Variants in LUZP2 observed in about 807,000 individuals in gnomAD.
LUZP2 encodes leucine zipper protein 2.
In LUZP2, 52 loss-of-function variants were observed where a neutral mutation model predicts 51.6. The ratio of observed to expected loss-of-function variants is 1.01; its 90% CI spans 0.81 to 1.27. LUZP2 has a LOEUF of 1.27. LUZP2 is among the 50% of genes most tolerant of loss of function. The pLI is 0.00. For missense variants in LUZP2, 436 were observed against 395.4 expected (o/e 1.10, Z -0.87); for synonymous variants, 154 against 137.3 (o/e 1.12, Z -0.85).
intron 1 of LUZP2, among the ~76,000 whole-genome samples, chr11:24,546,223 AC>A (rs1160242605): frequency 5.3e-5 from 8 of 152,014 alleles, no homozygotes; most frequent in African/African-American, 1.9e-4. Context: ...TATATTGTCT[AC>A]AAATAAGGAT....
chr11:24,711,272 AC>A (rs371201961), intron 1 of LUZP2, among the ~76,000 whole-genome samples: 43,232 of 151,384 alleles, frequency 0.29, 6,599 homozygotes, highest in East Asian at 0.68. Flanking sequence ...ACACGGTGAA[AC>A]CCCCGTCTCT....
intron 1 of LUZP2, among the ~76,000 whole-genome samples, chr11:24,718,967 A>G (rs1414476432): frequency 6.6e-6 from 1 of 152,222 alleles, no homozygotes; most frequent in Non-Finnish European, 1.5e-5. Context: ...AATATTTTCA[A>G]GAAATTCTCT....
chr11:24,707,321 T>G (rs980503754), intron 1 of LUZP2, among the ~76,000 whole-genome samples: 8 of 151,888 alleles, frequency 5.3e-5, no homozygotes, highest in African/African-American at 1.9e-4. Context: ...TGTGTGTGTG[T>G]GTGTGCATGT....
chr11:25,036,842 T>G (rs931155392), intron 9 of LUZP2, among the ~76,000 whole-genome samples: 1 of 151,950 alleles, frequency 6.6e-6, no homozygotes, highest in African/African-American at 2.4e-5. Flanking sequence ...ATTTCATTTT[T>G]AAAAAAAAAT....
intron 1 of LUZP2, among the ~76,000 whole-genome samples, chr11:24,657,199 G>A (rs1003559852): frequency 3.9e-5 from 6 of 152,144 alleles, no homozygotes; most frequent in Middle Eastern, 3.2e-3. Flanking sequence ...GGCATGATTT[G>A]GAATAGATGT....
At chr11:24,894,885 AAC>A (rs1852985860) in intron 5 of LUZP2, among the ~76,000 whole-genome samples, 1 of 152,190 alleles carries the variant, frequency 6.6e-6, no homozygotes, top group East Asian at 1.9e-4. Context: ...TTCAGAAGCA[AAC>A]AGTCACTACA....
intron 1 of LUZP2, among the ~76,000 whole-genome samples, chr11:24,562,097 G>T (rs1335692761): frequency 1.3e-5 from 2 of 152,008 alleles, no homozygotes; most frequent in Non-Finnish European, 2.9e-5. Context: ...TTTATGTGAG[G>T]TATCTACGTT....
chr11:24,716,766 G>A (rs1023471596), intron 1 of LUZP2, among the ~76,000 whole-genome samples: 1 of 152,034 alleles, frequency 6.6e-6, no homozygotes, highest in African/African-American at 2.4e-5. Context: ...CATGATGGCA[G>A]GCAACTGTAA....
chr11:24,780,772 T>A (rs1414730913), intron 5 of LUZP2, among the ~76,000 whole-genome samples: 1 of 152,180 alleles, frequency 6.6e-6, no homozygotes, highest in African/African-American at 2.4e-5. Flanking sequence ...CAGAATTTAA[T>A]CAGTCATTAT....
intron 7 of LUZP2, among the ~76,000 whole-genome samples, chr11:24,931,259 TAAAATAAAATAAAAA>T (rs1854443265): frequency 1.5e-5 from 2 of 133,340 alleles, no homozygotes; most frequent in African/African-American, 6.2e-5. Flanking sequence ...TAAAATAAAA[TAAAATAAAATAAAAA>T]GTTCTTTTTT....
intron 5 of LUZP2, among the ~76,000 whole-genome samples, chr11:24,904,957 A>G (rs535532848): frequency 6.6e-6 from 1 of 152,196 alleles, no homozygotes; most frequent in Admixed American, 6.5e-5. Context: ...ACAGATTAGA[A>G]GTAGCTATGC....
At chr11:24,898,415 G>A (rs1166330544) in intron 5 of LUZP2, among the ~76,000 whole-genome samples, 1 of 152,172 alleles carries the variant, frequency 6.6e-6, no homozygotes, top group Non-Finnish European at 1.5e-5. Context: ...ACAAGGTCAG[G>A]AGATCAAGAC....
At chr11:24,632,011 T>C (rs1462375465) in intron 1 of LUZP2, among the ~76,000 whole-genome samples, 2 of 152,018 alleles carry the variant, frequency 1.3e-5, no homozygotes, top group African/African-American at 4.8e-5. Context: ...AATCAAAATG[T>C]AATATGGATA....
rs1236441823 is a variant in LUZP2, at chr11:25,080,134, C to T, written c.*1476C>T. ...CAGGCAGGTCCCAACCACAATGGTT[C>T]AACTTAACGGTTTTTTCATGATTCT... On this transcript the variant is annotated 3_prime_UTR_variant, in exon 12 of 12. Transcript: ENST00000336930. 6.6e-6 allele frequency: 1 copy of T among 152,146 alleles called. No individual in the cohort carries two copies. Among genetic ancestry groups the T allele is most frequent in the Non-Finnish European group, 1.5e-5 (1 of 68,036 alleles). The allele number at this position is 152,146 out of a possible 1,614,324, so 9.4% of individuals were successfully genotyped here.
intron 5 of LUZP2, among the ~76,000 whole-genome samples, chr11:24,776,226 A>G (rs1848914912): frequency 6.6e-6 from 1 of 152,244 alleles, no homozygotes; most frequent in Non-Finnish European, 1.5e-5. Flanking sequence ...TCAGACAAGA[A>G]GACTAACAAC....
At chr11:24,689,506 A>G (rs538775256) in intron 1 of LUZP2, among the ~76,000 whole-genome samples, 74 of 152,214 alleles carry the variant, frequency 4.9e-4, no homozygotes, top group African/African-American at 1.8e-3. Context: ...CTTTCTATCT[A>G]TTGGGAGACT....
chr11:24,711,213 G>A (rs1318885962), intron 1 of LUZP2, among the ~76,000 whole-genome samples: 1 of 152,090 alleles, frequency 6.6e-6, no homozygotes, highest in Admixed American at 6.5e-5. Flanking sequence ...ACTTTGGGAG[G>A]CCAAGGCGGG....
At chr11:24,809,754 T>C (rs1467573679) in intron 5 of LUZP2, among the ~76,000 whole-genome samples, 1 of 152,124 alleles carries the variant, frequency 6.6e-6, no homozygotes, top group African/African-American at 2.4e-5. Flanking sequence ...CATTTGTGTG[T>C]GTGTGTTAGA....
At chr11:24,979,319 A>T (rs993202792) in intron 8 of LUZP2, among the ~76,000 whole-genome samples, 1 of 151,758 alleles carries the variant, frequency 6.6e-6, no homozygotes, top group African/African-American at 2.4e-5. Flanking sequence ...AACAAATCTC[A>T]TGTAAGATAC....
Sources: allele counts gnomAD v4.1 joint callset (sites outside exome capture counted in the v4.1 genomes callset), GRCh38; gene constraint gnomAD v4.1.1; transcripts MANE v1.5; gene names NCBI Gene and HGNC (gene_info 2026-07-23, HGNC 2026-07-21).